GSG1L: variants seen among roughly 807,000 people sequenced by gnomAD.
GSG1L encodes GSG1 like.
Under a neutral mutation model 42.1 loss-of-function variants are expected in GSG1L, and 24 were observed. The ratio of observed to expected loss-of-function variants is 0.57; its 90% CI spans 0.41 to 0.80. The LOEUF (loss-of-function observed/expected upper bound fraction) is 0.80. Among genes scored for constraint, GSG1L ranks in the 30% least tolerant of loss-of-function variants. The pLI, the probability that GSG1L is intolerant of heterozygous loss-of-function variation, is 0.00. For missense variants in GSG1L, 445 were observed against 472.2 expected (o/e 0.94, Z 0.53); for synonymous variants, 215 against 203.5 (o/e 1.06, Z -0.48).
At chr16:27,803,317 C>G (rs897121031) in intron 6 of GSG1L, among the ~76,000 whole-genome samples, 1 of 152,182 alleles carries the variant, frequency 6.6e-6, no homozygotes, top group South Asian at 2.1e-4. Flanking sequence ...CTCATGCACC[C>G]GACCCTCTCT....
intron 1 of GSG1L, among the ~76,000 whole-genome samples, chr16:28,054,006 C>A (rs2086250214): frequency 6.6e-6 from 1 of 152,044 alleles, no homozygotes; most frequent in Non-Finnish European, 1.5e-5. Context: ...TCCCCTCGGT[C>A]CCCCTCGCAG....
intron 4 of GSG1L, among the ~76,000 whole-genome samples, chr16:27,842,924 A>T (rs1486860618): frequency 1.3e-5 from 2 of 149,940 alleles, no homozygotes; most frequent in East Asian, 4.0e-4. Flanking sequence ...CTTCCTGGGG[A>T]CCCGCCCCAC....
chr16:28,005,790 T>C (rs1204444954), intron 1 of GSG1L, among the ~76,000 whole-genome samples: 1 of 152,168 alleles, frequency 6.6e-6, no homozygotes, highest in East Asian at 1.9e-4. Context: ...GCTTAATAAG[T>C]ATTAATTACA....
chr16:27,935,720 C>T (rs1481321250), intron 2 of GSG1L, among the ~76,000 whole-genome samples: 2 of 151,612 alleles, frequency 1.3e-5, no homozygotes, highest in Admixed American at 1.3e-4. Context: ...GTGTTGCAAC[C>T]CAGCCCTGCT....
Position 27,884,431 on chromosome 16 carries a change from G to A in GSG1L, c.550+55C>T, listed in dbSNP as rs2084001949. On this transcript the variant is annotated intron_variant, in intron 3 of 6. Transcript: ENST00000447459. The surrounding 1 kb of genome is among the most constrained non-coding windows in gnomAD (Gnocchi z 4.4). ...GGTACAACCAGGGCTTACTCCAAGG[G>A]CAGCACCCTTTCTCGCCTGTGCTCT... The A allele has an allele frequency of 5.8e-6, 9 of 1,544,658 alleles. No individual in the cohort carries two copies. The highest frequency in any genetic ancestry group is 7.9e-6 in the Non-Finnish European group (9 of 1,135,766).
chr16:27,875,287 G>T (rs2141015584), intron 3 of GSG1L, among the ~76,000 whole-genome samples: 1 of 152,200 alleles, frequency 6.6e-6, no homozygotes, highest in African/African-American at 2.4e-5. Context: ...GAACAGTTTT[G>T]GGGTGTGCTC....
At chr16:27,937,738 A>G (rs1003168114) in intron 2 of GSG1L, among the ~76,000 whole-genome samples, 1 of 152,186 alleles carries the variant, frequency 6.6e-6, no homozygotes, top group Non-Finnish European at 1.5e-5. Flanking sequence ...TTCAAGGACC[A>G]CATCCCACTC....
At chr16:27,946,579 AAGAGAGAGAGAGAGAGAGAGAGAGAGAG>A (rs1166800286) in intron 2 of GSG1L, among the ~76,000 whole-genome samples, 3 of 37,040 alleles carry the variant, frequency 8.1e-5, no homozygotes, top group East Asian at 7.9e-4. Flanking sequence ...GAAAGAAAGA[AAGAGAGAGAGAGAGAGAGAGAGAGAGAG>A]AGAGAGAGAG....
At chr16:27,828,723 C>T in intron 5 of GSG1L, 66 bp downstream of exon 5, 2 of 1,497,880 alleles carry the variant, frequency 1.3e-6, no homozygotes, top group South Asian at 1.3e-5. Flanking sequence ...GCCCGGTGGC[C>T]ACTGAGGCCA....
At chr16:28,032,880 C>A (rs1278476153) in intron 1 of GSG1L, among the ~76,000 whole-genome samples, 1 of 152,204 alleles carries the variant, frequency 6.6e-6, no homozygotes, top group East Asian at 1.9e-4. Context: ...ACCTGGCCCC[C>A]CACCTGTTAA....
intron 2 of GSG1L, among the ~76,000 whole-genome samples, chr16:27,946,377 T>C (rs1391461416): frequency 6.6e-6 from 1 of 151,614 alleles, no homozygotes; most frequent in Non-Finnish European, 1.5e-5. Flanking sequence ...AAACCCTGCC[T>C]CTACTAAAAA....
chr16:27,940,808 C>G (rs542419784), intron 2 of GSG1L, among the ~76,000 whole-genome samples: 2 of 150,580 alleles, frequency 1.3e-5, no homozygotes, highest in African/African-American at 4.9e-5. Flanking sequence ...GCAGATGTAA[C>G]TAACCTGCAC....
At chr16:28,055,110 C>T (rs1429750502) in intron 1 of GSG1L, among the ~76,000 whole-genome samples, 2 of 152,138 alleles carry the variant, frequency 1.3e-5, no homozygotes, top group Non-Finnish European at 2.9e-5. Flanking sequence ...TGGCTCTGGC[C>T]TCTGAGGGGT....
chr16:27,829,205 C>A (rs931464872), intron 4 of GSG1L, among the ~76,000 whole-genome samples: 2 of 152,178 alleles, frequency 1.3e-5, no homozygotes, highest in African/African-American at 4.8e-5. Context: ...GAGAGTGAAT[C>A]ATTCTGTCCA....
chr16:28,022,550 C>CT (rs1337254790), intron 1 of GSG1L, among the ~76,000 whole-genome samples: 2 of 152,124 alleles, frequency 1.3e-5, no homozygotes, highest in African/African-American at 4.8e-5. Context: ...TCTCGGCTCA[C>CT]TGCAGGCTCC....
chr16:27,979,766 G>GAAAGAAAGAAAA (rs1355239559), intron 1 of GSG1L, among the ~76,000 whole-genome samples: 1 of 114,534 alleles, frequency 8.7e-6, no homozygotes, highest in Non-Finnish European at 1.9e-5. Flanking sequence ...AAGAAAGAAA[G>GAAAGAAAGAAAA]AAGGAAAGAA....
chr16:27,788,305 A>G lies in GSG1L; in HGVS notation c.*3065T>C, dbSNP rs2144370564. ...CACTTTCTTCTCTTTCTTGAGTGTA[A>G]GAGGGATGAGGAAGGGAGAAGCATC... On this transcript the variant is annotated 3_prime_UTR_variant, in exon 7 of 7. Transcript: ENST00000447459. The G allele has an allele frequency of 6.6e-6, 1 of 152,276 alleles. No homozygotes were observed. Among genetic ancestry groups the G allele is most frequent in the African/African-American group, 2.4e-5 (1 of 41,548 alleles). The allele number at this position is 152,276 out of a possible 1,614,324, so 9.4% of individuals were successfully genotyped here.
At chr16:27,890,934 ACACAGCCGGTGCGGTGCT>A (rs2084117493) in intron 2 of GSG1L, among the ~76,000 whole-genome samples, 2 of 152,160 alleles carry the variant, frequency 1.3e-5, no homozygotes, top group Admixed American at 1.3e-4. Context: ...AGTGCGGCAG[ACACAGCCGGTGCGGTGCT>A]CCCAGCCTGC....
intron 2 of GSG1L, among the ~76,000 whole-genome samples, chr16:27,948,210 G>T (rs958780859): frequency 6.6e-6 from 1 of 152,090 alleles, no homozygotes; most frequent in Non-Finnish European, 1.5e-5. Context: ...CACTTAAAAC[G>T]CACATGATCT....
Sources: gnomAD v4.1 joint callset for allele counts (sites outside exome capture counted in the v4.1 genomes callset) on GRCh38, gnomAD v4.1.1 for gene constraint, Gnocchi (gnomAD v3.1) non-coding constraint, MANE v1.5 for transcripts, NCBI Gene and HGNC (gene_info 2026-07-23, HGNC 2026-07-21) for gene names.